Variants in MAN1A1 observed in about 807,000 individuals in gnomAD.
MAN1A1 encodes mannosidase alpha class 1A member 1.
MAN1A1 carries 29 observed loss-of-function variants against 70.8 expected under a neutral mutation model. The ratio of observed to expected loss-of-function variants is 0.41; its 90% CI spans 0.31 to 0.56. The LOEUF is 0.56. MAN1A1 is among the 20% of genes least tolerant of loss of function. The probability of loss-of-function intolerance (pLI) is 0.29; values close to 1 mark genes in which losing one functional copy is unlikely to be tolerated. For synonymous variants in MAN1A1, 349 were observed against 330.1 expected, an observed-to-expected ratio of 1.06 and a Z score of -0.62; for missense variants, 747 against 841.3, an observed-to-expected ratio of 0.89 and a Z score of 1.39.
Position 119,182,097 on chromosome 6 carries a change from ACTGTGGTTCTAAT to A in MAN1A1, c.1720-1683_1720-1671del, listed in dbSNP as rs367969214. Among the ~76,000 whole-genome samples the A allele has an allele frequency of 6.1e-3, 935 of 152,270 alleles. 6 individuals carry two copies. The highest frequency in any genetic ancestry group is 0.017 in the Middle Eastern group (5 of 294). ...TTAAAAAGGTATGAGGTGATATCTC[ACTGTGGTTCTAAT>A]CTGCATTTCCCTGATGATTTGTGAT... On this transcript the variant is annotated intron_variant, in intron 11 of 12. Transcript: ENST00000368468.
At chr6:119,268,542 C>T (rs1015040641) in intron 5 of MAN1A1, among the ~76,000 whole-genome samples, 2 of 152,216 alleles carry the variant, frequency 1.3e-5, no homozygotes, top group East Asian at 1.9e-4. Flanking sequence ...GTTCCAGCTC[C>T]CTTTTGCTAA....
At chr6:119,299,466 T>A (rs1772322681) in intron 4 of MAN1A1, among the ~76,000 whole-genome samples, 2 of 152,100 alleles carry the variant, frequency 1.3e-5, no homozygotes, top group Admixed American at 1.3e-4. Context: ...TTTTTATGAA[T>A]ACATAACAGT....
rs1165801140 is a variant in MAN1A1, at chr6:119,188,555, A to G, written c.1569T>C (p.Ala523=). Residue 523 remains alanine (A), a synonymous_variant, in exon 11 of 13, where the codon GCT becomes GCC. Transcript: ENST00000368468. Reference sequence around the variant, plus strand: ...CTTCAACACCACCATCAAATCTGAAAGCTTCTGGTCCCAGTTTCATAACTA... The same window carrying G: ...CTTCAACACCACCATCAAATCTGAAGGCTTCTGGTCCCAGTTTCATAACTA... ...NRTFMKLGPE[A]FRFDGGVEAI... 2 of 1,613,480 alleles carry G rather than the reference A, an allele frequency of 1.2e-6. No individual in the cohort carries two copies. The highest frequency in any genetic ancestry group is 2.2e-5 in the East Asian group (1 of 44,866).
intron 2 of MAN1A1, among the ~76,000 whole-genome samples, chr6:119,316,409 G>A (rs1440358012): frequency 4.0e-5 from 6 of 151,894 alleles, no homozygotes; most frequent in Non-Finnish European, 8.8e-5. Context: ...CAGGTGATCT[G>A]CCCACCTTGG....
intron 2 of MAN1A1, among the ~76,000 whole-genome samples, chr6:119,345,277 C>A (rs926337097): frequency 7.2e-5 from 11 of 151,880 alleles, no homozygotes; most frequent in African/African-American, 2.7e-4. Context: ...CTAAAACTTC[C>A]ATGCTGCTAT....
At chr6:119,259,738 G>C (rs1166763675) in intron 5 of MAN1A1, among the ~76,000 whole-genome samples, 13 of 152,222 alleles carry the variant, frequency 8.5e-5, no homozygotes, top group African/African-American at 2.6e-4. Flanking sequence ...GTCCCTCCAG[G>C]CAAGTTAATT....
chr6:119,224,140 A>G (rs999071480), intron 6 of MAN1A1, among the ~76,000 whole-genome samples: 7 of 152,214 alleles, frequency 4.6e-5, no homozygotes, highest in Non-Finnish European at 1.0e-4. Flanking sequence ...CTCTGCTGAA[A>G]TCCCTGGATG....
intron 5 of MAN1A1, among the ~76,000 whole-genome samples, chr6:119,281,037 G>C (rs1776213039): frequency 6.6e-6 from 1 of 152,218 alleles, no homozygotes. Context: ...GTATATGTCT[G>C]TCTGTCAACT....
intron 11 of MAN1A1, among the ~76,000 whole-genome samples, chr6:119,187,622 G>C (rs1773326026): frequency 6.6e-6 from 1 of 152,200 alleles, no homozygotes; most frequent in African/African-American, 2.4e-5. Context: ...AGTTTTTAAA[G>C]ATAGCTAACT....
intron 2 of MAN1A1, among the ~76,000 whole-genome samples, chr6:119,325,478 G>A (rs982894667): frequency 5.3e-5 from 8 of 152,152 alleles, no homozygotes; most frequent in South Asian, 2.1e-4. Context: ...GCTAACATGT[G>A]AAGCCCCGTC....
chr6:119,291,866 G>A (rs542431138), intron 4 of MAN1A1, among the ~76,000 whole-genome samples: 9 of 152,018 alleles, frequency 5.9e-5, no homozygotes, highest in South Asian at 4.2e-4. Flanking sequence ...TATTTACAAC[G>A]TGCCAGGTCC....
At chr6:119,285,029 G>C (rs1004363860) in intron 5 of MAN1A1, among the ~76,000 whole-genome samples, 2 of 147,314 alleles carry the variant, frequency 1.4e-5, no homozygotes, top group African/African-American at 5.0e-5. Context: ...GCTTCTGGTG[G>C]GGCCCTCAGG....
At chr6:119,296,071 A>G (rs1016370428) in intron 4 of MAN1A1, among the ~76,000 whole-genome samples, 2 of 152,200 alleles carry the variant, frequency 1.3e-5, no homozygotes, top group Admixed American at 1.3e-4. Flanking sequence ...TGTGTGCTGG[A>G]TTAACACTTT....
chr6:119,249,065 G>C (rs1402052392), intron 5 of MAN1A1, among the ~76,000 whole-genome samples: 1 of 152,166 alleles, frequency 6.6e-6, no homozygotes, highest in African/African-American at 2.4e-5. Flanking sequence ...ATTTAGATGA[G>C]AACTGTACGC....
chr6:119,266,314 C>T (rs950522231), intron 5 of MAN1A1, among the ~76,000 whole-genome samples: 1 of 152,020 alleles, frequency 6.6e-6, no homozygotes, highest in African/African-American at 2.4e-5. Flanking sequence ...TTGACACTAC[C>T]CAACTTCAAG....
Position 119,348,980 on chromosome 6 carries a change from T to C in MAN1A1, c.86A>G (p.Lys29Arg), listed in dbSNP as rs1773823870. ...GCGGAGGGCGGCGGGGCCCGACCCC[T>C]TCCTGCCACCGCCGCCGCCGAGCCC... ...GGGLGGGGGR[K>R]GSGPAALRLT... is the part of the protein sequence containing the mutation. Residue 29 changes from lysine (K) to arginine (R), a missense_variant, in exon 2 of 13, where the codon AAG (lysine) becomes AGG (arginine). By Grantham distance (26) the Lys-to-Arg change is conservative. Coordinates refer to ENST00000368468, the MANE Select transcript of MAN1A1 (RefSeq NM_005907.4). The C allele has an allele frequency of 1.4e-6, 2 of 1,479,880 alleles. No individual in the cohort carries two copies. Among genetic ancestry groups the C allele is most frequent in the African/African-American group, 1.5e-5 (1 of 68,560 alleles). 91.7% of individuals were successfully genotyped at this position (1,479,880 alleles called of 1,614,324 possible).
At chr6:119,263,465 C>T (rs1055330099) in intron 5 of MAN1A1, among the ~76,000 whole-genome samples, 5 of 152,076 alleles carry the variant, frequency 3.3e-5, no homozygotes, top group Admixed American at 3.3e-4. Context: ...TACATATGGA[C>T]ACAAAGAAAG....
At chr6:119,193,145 G>A (rs1346715179) in intron 9 of MAN1A1, among the ~76,000 whole-genome samples, 3 of 149,892 alleles carry the variant, frequency 2.0e-5, no homozygotes, top group Non-Finnish European at 4.4e-5. Context: ...GTAAAACTGG[G>A]TAATAATCTC....
At chr6:119,211,946 A>G (rs1240910710) in intron 6 of MAN1A1, among the ~76,000 whole-genome samples, 3 of 151,596 alleles carry the variant, frequency 2.0e-5, no homozygotes, top group Non-Finnish European at 4.4e-5. Flanking sequence ...GGTTCAAGCA[A>G]TTCTCCTGCC....
Sources: gnomAD v4.1 joint callset for allele counts (sites outside exome capture counted in the v4.1 genomes callset) on GRCh38, gnomAD v4.1.1 for gene constraint, MANE v1.5 for transcripts, NCBI Gene and HGNC (gene_info 2026-07-23, HGNC 2026-07-21) for gene names.